The following AKAP6 variants were observed in gnomAD, a reference collection of about 807,000 sequenced individuals.
AKAP6 encodes the protein A-kinase anchor protein 6.
A neutral mutation model predicts 188.5 loss-of-function variants in AKAP6; 58 were observed. That is an observed-to-expected ratio of 0.31 (90% CI 0.25 to 0.38). The LOEUF is 0.38. AKAP6 is among the 10% of genes least tolerant of loss of function. The pLI is 1.00. For synonymous variants in AKAP6, 989 were observed against 998.6 expected (o/e 0.99, Z 0.18); for missense variants, 2,710 against 2,740.0 (o/e 0.99, Z 0.24).
intron 12 of AKAP6, among the ~76,000 whole-genome samples, chr14:32,775,932 T>A (rs10144064): frequency 0.84 from 128,279 of 152,184 alleles, 55,245 homozygotes; most frequent in East Asian, 1. Flanking sequence ...GTTGAAAATC[T>A]CTGTCAGAAA....
At chr14:32,781,074 A>C (rs2033235059) in intron 12 of AKAP6, among the ~76,000 whole-genome samples, 1 of 152,124 alleles carries the variant, frequency 6.6e-6, no homozygotes, top group Non-Finnish European at 1.5e-5. Flanking sequence ...AAAGAAAATA[A>C]TAAAATCAAA....
intron 12 of AKAP6, among the ~76,000 whole-genome samples, chr14:32,814,180 C>G (rs576245612): frequency 2.0e-5 from 3 of 152,322 alleles, no homozygotes; most frequent in South Asian, 4.1e-4. Flanking sequence ...CCTGCCCTCT[C>G]TAAGGTTACA....
intron 1 of AKAP6, among the ~76,000 whole-genome samples, chr14:32,360,532 C>T (rs1887622575): frequency 6.6e-6 from 1 of 152,160 alleles, no homozygotes. Context: ...TTCCCTCATT[C>T]CCTTACATTT....
intron 5 of AKAP6, among the ~76,000 whole-genome samples, chr14:32,578,863 C>A (rs1381245942): frequency 6.6e-6 from 1 of 152,038 alleles, no homozygotes; most frequent in Non-Finnish European, 1.5e-5. Flanking sequence ...CTCTTTGTAA[C>A]CAATGAGCAC....
At chr14:32,647,035 T>C (rs1350597110) in intron 7 of AKAP6, among the ~76,000 whole-genome samples, 1 of 152,164 alleles carries the variant, frequency 6.6e-6, no homozygotes, top group Non-Finnish European at 1.5e-5. Flanking sequence ...TTTGAGGGCA[T>C]ACCATGTCAC....
chr14:32,579,601 C>G (rs1361957241), intron 5 of AKAP6, among the ~76,000 whole-genome samples: 2 of 152,154 alleles, frequency 1.3e-5, no homozygotes, highest in East Asian at 3.8e-4. Context: ...TCAAGAGCTA[C>G]TGTTACACTG....
intron 12 of AKAP6, among the ~76,000 whole-genome samples, chr14:32,788,060 A>G (rs1412718963): frequency 1.2e-4 from 18 of 150,266 alleles, no homozygotes; most frequent in Admixed American, 7.3e-4. Context: ...AAAAAAAAAA[A>G]AAGAAGGTGG....
chr14:32,454,666 TCCTTCCC>T (rs1566512026), intron 2 of AKAP6, among the ~76,000 whole-genome samples: 62 of 78,582 alleles, frequency 7.9e-4, no homozygotes, highest in African/African-American at 2.6e-3. Context: ...TCTCCTTCCC[TCCTTCCC>T]TCCTTCCCTC....
chr14:32,580,342 C>T (rs1884906376), intron 5 of AKAP6, among the ~76,000 whole-genome samples: 1 of 151,996 alleles, frequency 6.6e-6, no homozygotes, highest in South Asian at 2.1e-4. Flanking sequence ...AAATATCATT[C>T]TGGAAAGGTA....
At chr14:32,803,389 G>T (rs2034006010) in intron 12 of AKAP6, among the ~76,000 whole-genome samples, 1 of 151,960 alleles carries the variant, frequency 6.6e-6, no homozygotes, top group East Asian at 1.9e-4. Flanking sequence ...ATATTTACAG[G>T]TGTTATCTCT....
intron 2 of AKAP6, among the ~76,000 whole-genome samples, chr14:32,479,239 C>A (rs1879219311): frequency 6.6e-6 from 1 of 152,140 alleles, no homozygotes; most frequent in Non-Finnish European, 1.5e-5. Flanking sequence ...ATATGACTTA[C>A]ACCAAGTAAA....
chr14:32,464,578 T>C (rs1878287111), intron 2 of AKAP6, among the ~76,000 whole-genome samples: 1 of 152,116 alleles, frequency 6.6e-6, no homozygotes, highest in Non-Finnish European at 1.5e-5. Context: ...ATAAACTAGG[T>C]ATTGATGGAA....
intron 2 of AKAP6, among the ~76,000 whole-genome samples, chr14:32,502,038 C>T (rs1206658396): frequency 6.6e-6 from 1 of 152,090 alleles, no homozygotes; most frequent in Non-Finnish European, 1.5e-5. Context: ...TTTCCTTCCT[C>T]ATACTGAAGC....
chr14:32,695,197 T>G (rs1890353622), intron 8 of AKAP6, among the ~76,000 whole-genome samples: 1 of 152,236 alleles, frequency 6.6e-6, no homozygotes, highest in African/African-American at 2.4e-5. Context: ...TTCATTGTTT[T>G]GACTTCCTGT....
intron 12 of AKAP6, among the ~76,000 whole-genome samples, chr14:32,801,211 T>A (rs2033939452): frequency 6.6e-6 from 1 of 152,200 alleles, no homozygotes; most frequent in African/African-American, 2.4e-5. Context: ...TTGTTCTTTC[T>A]TTTTTCCTTC....
rs991494861 is a variant in AKAP6, at chr14:32,490,351, A to G, written c.325-45203A>G. 2.6e-5 allele frequency among the ~76,000 whole-genome samples: 4 copies of G among 152,186 alleles called. No homozygotes were observed. In the South Asian group the frequency reaches 8.3e-4, roughly 32 times the overall value. On this transcript the variant is annotated intron_variant, in intron 2 of 13. Transcript: ENST00000280979. Reference sequence around the variant, plus strand: ...GTTTGTCCGTGAATGTTGCCTTTTTATAAAACACTTTTTAAAAATTAATAT... The same window carrying G: ...GTTTGTCCGTGAATGTTGCCTTTTTGTAAAACACTTTTTAAAAATTAATAT...
intron 2 of AKAP6, among the ~76,000 whole-genome samples, chr14:32,456,309 CA>C (rs1891145731): frequency 1.3e-5 from 2 of 151,902 alleles, no homozygotes; most frequent in Admixed American, 1.3e-4. Context: ...CTTAATTTGT[CA>C]AATCTTTCAA....
At chr14:32,602,693 C>G (rs1396942054) in intron 7 of AKAP6, among the ~76,000 whole-genome samples, 1 of 152,190 alleles carries the variant, frequency 6.6e-6, no homozygotes, top group Non-Finnish European at 1.5e-5. Context: ...AGATGCTATT[C>G]TATAGCACTT....
chr14:32,781,382 T>C (rs915159087), intron 12 of AKAP6, among the ~76,000 whole-genome samples: 1 of 151,808 alleles, frequency 6.6e-6, no homozygotes, highest in Non-Finnish European at 1.5e-5. Flanking sequence ...GAAGGTAATT[T>C]TATGAATAAT....
Sources: gnomAD v4.1 joint callset for allele counts (sites outside exome capture counted in the v4.1 genomes callset) on GRCh38, gnomAD v4.1.1 for gene constraint, MANE v1.5 for transcripts, NCBI Gene and HGNC (gene_info 2026-07-23, HGNC 2026-07-21) for gene names.